TUBGCP3: variants seen among roughly 807,000 people sequenced by gnomAD.
TUBGCP3 encodes the protein tubulin gamma complex component 3.
TUBGCP3 carries 50 observed loss-of-function variants against 123.1 expected under a neutral mutation model. The ratio of observed to expected loss-of-function variants is 0.41; its 90% confidence interval spans 0.32 to 0.51. TUBGCP3 has a LOEUF of 0.51. Among genes scored for constraint, TUBGCP3 ranks in the 20% least tolerant of loss-of-function variants. The probability of loss-of-function intolerance (pLI) is 0.36; values close to 1 mark genes in which losing one functional copy is unlikely to be tolerated. For missense variants in TUBGCP3, 882 were observed against 1,127.0 expected (o/e 0.78, Z 3.11); for synonymous variants, 405 against 413.9 (o/e 0.98, Z 0.26).
At chr13:112,499,445 C>T (rs953149965) in intron 19 of TUBGCP3, among the ~76,000 whole-genome samples, 3 of 152,164 alleles carry the variant, frequency 2.0e-5, no homozygotes, top group Non-Finnish European at 4.4e-5. Flanking sequence ...CCAAGTCCCA[C>T]GGCGGGCCAG....
chr13:112,550,702 A>C (rs1879487806), intron 8 of TUBGCP3, among the ~76,000 whole-genome samples: 1 of 152,262 alleles, frequency 6.6e-6, no homozygotes. Flanking sequence ...AGAGAAAACG[A>C]CATGGAATCT....
intron 8 of TUBGCP3, among the ~76,000 whole-genome samples, chr13:112,552,345 C>T (rs760352105): frequency 8.5e-5 from 13 of 152,232 alleles, no homozygotes; most frequent in Non-Finnish European, 1.5e-4. Flanking sequence ...TGATAAAACA[C>T]TCCCTTCGGG....
At chr13:112,537,972 C>A (rs1878206237) in intron 11 of TUBGCP3, among the ~76,000 whole-genome samples, 1 of 152,152 alleles carries the variant, frequency 6.6e-6, no homozygotes, top group African/African-American at 2.4e-5. Flanking sequence ...ATTCTTGAAT[C>A]ATCATGGTTT....
At chr13:112,598,258 GA>G in the TUBGCP3 span, among the ~76,000 whole-genome samples, 1 of 151,626 alleles carries the variant, frequency 6.6e-6, no homozygotes, top group East Asian at 1.9e-4. Flanking sequence ...GAACGGAAAT[GA>G]AAAAGATTTA....
intron 7 of TUBGCP3, among the ~76,000 whole-genome samples, chr13:112,554,474 G>C (rs1364801672): frequency 1.3e-5 from 2 of 152,208 alleles, no homozygotes; most frequent in African/African-American, 4.8e-5. Flanking sequence ...AAGAGCCACA[G>C]TGTGACCCAC....
At position 112,527,476 on chromosome 13, in the gene TUBGCP3, T is replaced by C. The variant is rs1294333885; in HGVS notation, c.1344A>G (p.Val448=). ...CTGTTTTAACTGTTGGATCTGATGC[T>C]ACAAAAAACTGAAAGCAAAGGGGCA... ...ELEDTYHEFF[V]ASDPTVKTDR... Residue 448 remains valine, a synonymous_variant, in exon 12 of 22, where the codon GTA becomes GTG. Coordinates refer to ENST00000261965, the MANE Select transcript of TUBGCP3 (RefSeq NM_006322.6). 1 of 1,611,820 alleles carries C rather than the reference T, an allele frequency of 6.2e-7. No individual in the cohort carries two copies.
rs913347224 is a variant in TUBGCP3, at chr13:112,508,182, C to T, written c.2087-3468G>A. Among the ~76,000 whole-genome samples, 8 of 152,138 alleles carry T rather than the reference C, an allele frequency of 5.3e-5. No individual in the cohort carries two copies. The highest frequency in any genetic ancestry group is 3.9e-4 in the Admixed American group (6 of 15,280). ...TTGGCTCTGCCTGTATCCCTCGTGCCCCCTAGTCACTCCAAGCCCGCCTCT... is the reference window on the plus strand; with the variant it reads ...TTGGCTCTGCCTGTATCCCTCGTGCTCCCTAGTCACTCCAAGCCCGCCTCT... On this transcript the variant is annotated intron_variant, in intron 17 of 21. Coordinates refer to ENST00000261965, the MANE Select transcript of TUBGCP3 (RefSeq NM_006322.6). This position sits in a 1 kb window ranked among gnomAD's most constrained non-coding sequence, Gnocchi z 4.2.
At chr13:112,572,490 C>T (rs944621017) in intron 1 of TUBGCP3, among the ~76,000 whole-genome samples, 1 of 151,464 alleles carries the variant, frequency 6.6e-6, no homozygotes, top group African/African-American at 2.4e-5. Flanking sequence ...CACTGTTCAA[C>T]TCCCACTTAT....
At chr13:112,561,186 G>T (rs1393065090) in intron 3 of TUBGCP3, among the ~76,000 whole-genome samples, 1 of 152,254 alleles carries the variant, frequency 6.6e-6, no homozygotes, top group Non-Finnish European at 1.5e-5. Flanking sequence ...GTTATCTGGA[G>T]GGAGATGCAA....
intron 11 of TUBGCP3, among the ~76,000 whole-genome samples, chr13:112,534,521 T>G (rs1015985966): frequency 6.6e-6 from 1 of 152,114 alleles, no homozygotes; most frequent in Admixed American, 6.5e-5. Flanking sequence ...CACTCCAGCC[T>G]GGGCGACAGA....
At chr13:112,542,279 G>C (rs932031803) in intron 11 of TUBGCP3, among the ~76,000 whole-genome samples, 1 of 152,130 alleles carries the variant, frequency 6.6e-6, no homozygotes, top group Non-Finnish European at 1.5e-5. Flanking sequence ...TAATGGTCAG[G>C]AGATTTAATA....
chr13:112,495,511 A>G (rs1407642089), intron 20 of TUBGCP3, among the ~76,000 whole-genome samples: 2 of 152,186 alleles, frequency 1.3e-5, no homozygotes, highest in African/African-American at 4.8e-5. Context: ...TATTGAGATG[A>G]TCATATAATT....
chr13:112,488,518 T>C (rs1230457199), intron 21 of TUBGCP3, among the ~76,000 whole-genome samples: 1 of 152,154 alleles, frequency 6.6e-6, no homozygotes, highest in African/African-American at 2.4e-5. Flanking sequence ...ACAGTCCCCA[T>C]CGGGAGTCAC....
chr13:112,595,032 T>C, the TUBGCP3 span, among the ~76,000 whole-genome samples: 1 of 152,206 alleles, frequency 6.6e-6, no homozygotes, highest in Non-Finnish European at 1.5e-5. Context: ...CTGTTGTTGA[T>C]CGCCATGTTC....
intron 20 of TUBGCP3, among the ~76,000 whole-genome samples, chr13:112,496,802 C>T (rs1332726936): frequency 6.6e-6 from 1 of 152,104 alleles, no homozygotes; most frequent in Non-Finnish European, 1.5e-5. Flanking sequence ...CTGGCTAACA[C>T]AGTGAAACCC....
intron 8 of TUBGCP3, among the ~76,000 whole-genome samples, chr13:112,548,454 A>C (rs1228619196): frequency 6.6e-6 from 1 of 152,226 alleles, no homozygotes; most frequent in Non-Finnish European, 1.5e-5. Flanking sequence ...TAGTGACTTT[A>C]GAGAATGATC....
the TUBGCP3 span, among the ~76,000 whole-genome samples, chr13:112,600,740 A>G: frequency 2.6e-5 from 4 of 152,234 alleles, no homozygotes; most frequent in East Asian, 7.7e-4. Context: ...CCGGGTTGGC[A>G]AGCAGAAGCC....
chr13:112,529,841 T>C (rs1594151109), intron 11 of TUBGCP3, among the ~76,000 whole-genome samples: 1 of 152,354 alleles, frequency 6.6e-6, no homozygotes, highest in East Asian at 1.9e-4. Flanking sequence ...TTCAGTCGTA[T>C]CACACCCAAA....
At chr13:112,574,556 C>T (rs1881664254) in intron 1 of TUBGCP3, among the ~76,000 whole-genome samples, 1 of 152,246 alleles carries the variant, frequency 6.6e-6, no homozygotes, top group Admixed American at 6.5e-5. Flanking sequence ...CTTGGTGAAA[C>T]AGAAACTGAA....
Sources: allele counts gnomAD v4.1 joint callset (sites outside exome capture counted in the v4.1 genomes callset), GRCh38; gene constraint gnomAD v4.1.1; non-coding constraint Gnocchi (gnomAD v3.1); transcripts MANE v1.5; gene names NCBI Gene and HGNC (gene_info 2026-07-23, HGNC 2026-07-21).